ITPR3: variants seen among roughly 807,000 people sequenced by gnomAD.
ITPR3 encodes the protein inositol 1,4,5-trisphosphate-gated calcium channel ITPR3.
Under a neutral mutation model 293.2 loss-of-function variants are expected in ITPR3, and 173 were observed. That is an observed-to-expected ratio of 0.59 (90% CI 0.52 to 0.67). The LOEUF is 0.67. Ranked by LOEUF, ITPR3 falls within the 30% of genes least tolerant of loss-of-function variation. ITPR3 has a pLI of 0.00. For synonymous variants in ITPR3, 1,295 were observed against 1,444.4 expected (o/e 0.90, Z 2.35); for missense variants, 2,796 against 3,592.1 (o/e 0.78, Z 5.66).
In ITPR3 at chr6:33,667,187, G is replaced by C. The variant is rs774345255; in HGVS notation, c.1610G>C (p.Arg537Pro). Residue 537 changes from arginine (R) to proline (P), a missense_variant, in exon 15 of 58, where the codon CGG (arginine) becomes CCG (proline). By Grantham distance (103) the Arg-to-Pro change is moderately radical. This residue lies in a region of ITPR3 where 955 missense variants were observed against 1,180.8 expected (regional missense o/e 0.81). Transcript: ENST00000605930. The surrounding 1 kb of genome is among the most constrained non-coding windows in gnomAD (Gnocchi z 4.4). The stretch of plus-strand genomic sequence containing the variant: ...AAGGGGGGTGAAGGTCCCCTGGTGC[G>C]GCTGGAGGAGCTGTCAGACCAGAAG... ...REKGGEGPLV[R>P]LEELSDQKNA... 6.2e-7 allele frequency: 1 copy of C among 1,614,154 alleles called. No homozygotes were observed. Among genetic ancestry groups the C allele is most frequent in the East Asian group, 2.2e-5 (1 of 44,888 alleles).
In ITPR3 at chr6:33,670,434, G is replaced by A. The variant is rs1375131305; in HGVS notation, c.2299G>A (p.Glu767Lys). ...VDLIFLCMAD[E>K]MLPFDLRASF... Reference sequence around the variant, plus strand: ...CCTGATTTTCCTGTGCATGGCAGACGAGATGCTGCCCTTTGACCTGCGCGC... The same window carrying A: ...CCTGATTTTCCTGTGCATGGCAGACAAGATGCTGCCCTTTGACCTGCGCGC... Residue 767 changes from glutamate (E) to lysine (K), a missense_variant, in exon 19 of 58, where the codon GAG becomes AAG. Transcript: ENST00000605930. This position sits in a 1 kb window ranked among gnomAD's most constrained non-coding sequence, Gnocchi z 6.7. 9 of 1,613,972 alleles carry A rather than the reference G, an allele frequency of 5.6e-6. No homozygotes were observed. The highest frequency in any genetic ancestry group is 1.1e-5 in the South Asian group (1 of 91,088).
chr6:33,693,104 C>T (rs1765438982), intron 55 of ITPR3, among the ~76,000 whole-genome samples: 2 of 152,178 alleles, frequency 1.3e-5, no homozygotes, highest in Admixed American at 6.5e-5. Flanking sequence ...CCCTGTAAAC[C>T]CTTGGGGTTT....
Position 33,664,908 on chromosome 6 carries a change from C to A in ITPR3, c.1187C>A (p.Thr396Lys), listed in dbSNP as rs1354803152. 2 of 1,594,024 alleles carry A rather than the reference C, an allele frequency of 1.3e-6. No individual in the cohort carries two copies. Among genetic ancestry groups the A allele is most frequent in the South Asian group, 1.1e-5 (1 of 90,672 alleles). The stretch of plus-strand genomic sequence containing the variant: ...CGGCTGCGGCACCTCTGCACCAACA[C>A]GTGGATTCAGAGCACCAATGTGCCC... Reference protein sequence around the residue: ...YVRLRHLCTNTWIQSTNVPID... With the variant: ...YVRLRHLCTNKWIQSTNVPID... The change falls in exon 12 of 58, where the codon ACG becomes AAG. Residue 396 changes from threonine (T) to lysine (K), a missense_variant. By Grantham distance (78) the Thr-to-Lys change is moderately conservative. This residue lies in a region of ITPR3 where 955 missense variants were observed against 1,180.8 expected (regional missense o/e 0.81). Transcript: ENST00000605930. The surrounding 1 kb of genome is among the most constrained non-coding windows in gnomAD (Gnocchi z 4.4).
rs1765279506 is a variant in ITPR3 at position 33,687,909 on chromosome 6, G to C, written c.6265-148G>C. The C allele has an allele frequency of 1.5e-6, 1 of 657,790 alleles. No individual in the cohort carries two copies. The highest frequency in any genetic ancestry group is 2.6e-6 in the Non-Finnish European group (1 of 380,690). The allele number at this position is 657,790 out of a possible 1,614,324, so 40.7% of individuals were successfully genotyped here. On this transcript the variant is annotated intron_variant, in intron 46 of 57. Coordinates refer to ENST00000605930, the MANE Select transcript of ITPR3 (RefSeq NM_002224.4). The surrounding 1 kb of genome is among the most constrained non-coding windows in gnomAD (Gnocchi z 5.3). ...ACCAGGTTCTCAAGGCTCAGTCCTAGTTGGGCTGGGCTTGGCCTGCTCTGG... is the reference window on the plus strand; with the variant it reads ...ACCAGGTTCTCAAGGCTCAGTCCTACTTGGGCTGGGCTTGGCCTGCTCTGG...
chr6:33,663,128 A>G, intron 9 of ITPR3, 122 bp downstream of exon 9: 1 of 753,210 alleles, frequency 1.3e-6, no homozygotes, highest in South Asian at 1.7e-5. Context: ...ACTTCTCTGC[A>G]CTCATGCATT....
intron 1 of ITPR3, among the ~76,000 whole-genome samples, chr6:33,623,344 T>TTTTA (rs1763484282): frequency 6.7e-6 from 1 of 149,624 alleles, no homozygotes; most frequent in Non-Finnish European, 1.5e-5. Context: ...TTTTTTTTTT[T>TTTTA]AAGACAAGGT....
chr6:33,659,649 C>T, intron 7 of ITPR3, 100 bp downstream of exon 7: 1 of 995,236 alleles, frequency 1.0e-6, no homozygotes, highest in Non-Finnish European at 1.6e-6. Flanking sequence ...CAGGCCCTTA[C>T]CCTCTCCCCA....
chr6:33,634,448 C>A (rs544629175), intron 1 of ITPR3, among the ~76,000 whole-genome samples: 31 of 152,270 alleles, frequency 2.0e-4, no homozygotes, highest in Non-Finnish European at 4.1e-4. Flanking sequence ...CCTGACCGAC[C>A]CTCCCTGCTT....
chr6:33,685,973 C>G, intron 41 of ITPR3, 80 bp from the exon 42 acceptor site: 1 of 1,551,526 alleles, frequency 6.4e-7, no homozygotes. Context: ...ACCCCTGCAG[C>G]ACACAAGATC....
At position 33,684,292 on chromosome 6, in the gene ITPR3, G is replaced by A; in HGVS notation, c.4938-65G>A. On this transcript the variant is annotated intron_variant, in intron 36 of 57. Coordinates refer to ENST00000605930, the MANE Select transcript of ITPR3 (RefSeq NM_002224.4). The surrounding 1 kb of genome is among the most constrained non-coding windows in gnomAD (Gnocchi z 4.2). ...CTGGGGGTGTTCCTGCCTGGGATGG[G>A]GTGGGGAAGTAGCTGGAGGGAGGCA... The A allele has an allele frequency of 6.3e-7, 1 of 1,593,990 alleles. No homozygotes were observed.
chr6:33,669,512 G>A (rs200069343), intron 18 of ITPR3, among the ~76,000 whole-genome samples: 25 of 152,328 alleles, frequency 1.6e-4, no homozygotes, highest in Admixed American at 1.1e-3. Context: ...CATGGGAATC[G>A]CTTGAACCTG....
At position 33,694,920 on chromosome 6, in the gene ITPR3, T is replaced by C. The variant is rs1450748139; in HGVS notation, c.7786-4T>C. 1 of 1,614,036 alleles carries C rather than the reference T, an allele frequency of 6.2e-7. No homozygotes were observed. The highest frequency in any genetic ancestry group is 1.7e-5 in the Admixed American group (1 of 60,026). On this transcript the variant is annotated splice_polypyrimidine_tract_variant and splice_region_variant and intron_variant, in intron 56 of 57. Transcript: ENST00000605930. Reference sequence around the variant, plus strand: ...CTGCTTAACCCACTGGTGATGTTTTTCAGAACAAGAACCTGGACTGGTTCC... The same window carrying C: ...CTGCTTAACCCACTGGTGATGTTTTCCAGAACAAGAACCTGGACTGGTTCC...
In ITPR3 at chr6:33,658,639, G is replaced by A. The variant is rs373241230; in HGVS notation, c.370-31G>A. The A allele has an allele frequency of 2.4e-5, 38 of 1,610,618 alleles. No individual in the cohort carries two copies. In the African/African-American group the frequency reaches 4.3e-4, roughly 18 times the overall value. On this transcript the variant is annotated intron_variant, in intron 4 of 57. Coordinates refer to ENST00000605930, the MANE Select transcript of ITPR3 (RefSeq NM_002224.4). This position sits in a 1 kb window ranked among gnomAD's most constrained non-coding sequence, Gnocchi z 6.1. The stretch of plus-strand genomic sequence containing the variant: ...CTAATGGGCCGACTCCTGTGGCGCG[G>A]TGACCTTCCCGCACCCCACCTGACC...
At position 33,684,892 on chromosome 6, in the gene ITPR3, G is replaced by T; in HGVS notation, c.5256G>T (p.Glu1752Asp). Residue 1752 changes from glutamate to aspartate, a missense_variant, in exon 39 of 58, where the codon GAG becomes GAT. Physicochemically the swap from Glu to Asp is conservative, Grantham distance 45 (BLOSUM62 2). Around this residue, in one of 8 missense-constraint regions of ITPR3, gnomAD observed 704 missense variants for 797.5 expected, o/e 0.88. Coordinates refer to ENST00000605930, the MANE Select transcript of ITPR3 (RefSeq NM_002224.4). The surrounding 1 kb of genome is among the most constrained non-coding windows in gnomAD (Gnocchi z 4.2). ...TSTKNEKIFQ[E>D]SIGLAIHLLD... ...CCAAGAACGAGAAGATCTTCCAGGA[G>T]AGCATCGGCCTGGCCATCCACCTGC... 6.2e-7 allele frequency: 1 copy of T among 1,614,056 alleles called. No individual in the cohort carries two copies. Among genetic ancestry groups the T allele is most frequent in the Non-Finnish European group, 8.5e-7 (1 of 1,179,986 alleles).
chr6:33,644,305 T>C (rs1182264064), intron 2 of ITPR3, among the ~76,000 whole-genome samples: 1 of 151,048 alleles, frequency 6.6e-6, no homozygotes, highest in Non-Finnish European at 1.5e-5. Flanking sequence ...TTTTTTTAAG[T>C]AGAGATGGGG....
chr6:33,639,395 A>C (rs1393367329), intron 1 of ITPR3, among the ~76,000 whole-genome samples: 3 of 150,514 alleles, frequency 2.0e-5, no homozygotes, highest in Non-Finnish European at 3.0e-5. Flanking sequence ...AAAAAAAAAA[A>C]CAGAAAAGAC....
Position 33,664,952 on chromosome 6 carries a change from C to A in ITPR3, c.1231C>A (p.Arg411=). The A allele has an allele frequency of 1.3e-6, 2 of 1,598,922 alleles. No homozygotes were observed. The highest frequency in any genetic ancestry group is 1.1e-5 in the South Asian group (1 of 90,686). ...TGTGCCCATTGACATCGAGGAGGAG[C>A]GGCCCATCCGGCTCATGGTGCGTGT... is the stretch of plus-strand genomic sequence containing the variant. ...TNVPIDIEEE[R]PIRLMLGTCP... The change falls in exon 12 of 58, where the codon CGG becomes AGG. Residue 411 remains arginine (R), a synonymous_variant. Transcript: ENST00000605930. The surrounding 1 kb of genome is among the most constrained non-coding windows in gnomAD (Gnocchi z 4.4).
rs758292792 is a variant in ITPR3, at chr6:33,670,314, C to A, written c.2190-11C>A. On this transcript the variant is annotated splice_polypyrimidine_tract_variant and intron_variant, in intron 18 of 57. Transcript: ENST00000605930. The surrounding 1 kb of genome is among the most constrained non-coding windows in gnomAD (Gnocchi z 6.7). ...ATCTGCCGTGTCCTCACAGTCCTCCCTGTCCTGCAGGTACCAGCTGAAGCT... is the reference window on the plus strand; with the variant it reads ...ATCTGCCGTGTCCTCACAGTCCTCCATGTCCTGCAGGTACCAGCTGAAGCT... 1 of 1,613,898 alleles carries A rather than the reference C, an allele frequency of 6.2e-7. No homozygotes were observed. The highest frequency in any genetic ancestry group is 2.2e-5 in the East Asian group (1 of 44,890).
chr6:33,689,541 T>A lies in ITPR3; in HGVS notation c.6867+131T>A, dbSNP rs1765333883. 5.8e-6 allele frequency: 6 copies of A among 1,027,958 alleles called. No individual in the cohort carries two copies. The South Asian group carries it at 9.4e-5, about 16-fold the overall frequency. The allele number at this position is 1,027,958 out of a possible 1,614,324, so 63.7% of individuals were successfully genotyped here. Reference sequence around the variant, plus strand: ...CCTCCTCTCTGTTGGGCTCCCAAGTTCCTTATAGACCGGTGGCAGGGACTG... The same window carrying A: ...CCTCCTCTCTGTTGGGCTCCCAAGTACCTTATAGACCGGTGGCAGGGACTG... On this transcript the variant is annotated intron_variant, in intron 50 of 57. Coordinates refer to ENST00000605930, the MANE Select transcript of ITPR3 (RefSeq NM_002224.4).
Sources: gnomAD v4.1 joint callset for allele counts (sites outside exome capture counted in the v4.1 genomes callset) on GRCh38, gnomAD v4.1.1 for gene constraint, gnomAD v4.1.1 regional missense constraint, Gnocchi (gnomAD v3.1) non-coding constraint, MANE v1.5 for transcripts, NCBI Gene and HGNC (gene_info 2026-07-23, HGNC 2026-07-21) for gene names.